LIMCH1: variants seen among roughly 807,000 people sequenced by gnomAD.
The protein encoded by LIMCH1 is LIM and calponin homology domains-containing protein 1.
In LIMCH1, 113 loss-of-function variants were observed where a neutral mutation model predicts 176.5. The ratio of observed to expected loss-of-function variants is 0.64; its 90% confidence interval spans 0.55 to 0.75. The LOEUF is 0.75. LIMCH1 is among the 30% of genes least tolerant of loss of function. The pLI, the probability that LIMCH1 is intolerant of heterozygous loss-of-function variation, is 0.00. For missense variants in LIMCH1, 1,674 were observed against 1,814.9 expected (o/e 0.92, Z 1.41); for synonymous variants, 619 against 645.9 (o/e 0.96, Z 0.63).
chr4:41,577,747 A>C (rs2084736463), intron 1 of LIMCH1, among the ~76,000 whole-genome samples: 1 of 152,132 alleles, frequency 6.6e-6, no homozygotes, highest in South Asian at 2.1e-4. Flanking sequence ...TTTTTTTTAT[A>C]CACATCTTTT....
At chr4:41,485,691 G>A (rs1212621773) in intron 1 of LIMCH1, among the ~76,000 whole-genome samples, 1 of 152,152 alleles carries the variant, frequency 6.6e-6, no homozygotes, top group Non-Finnish European at 1.5e-5. Flanking sequence ...CACCATTAGG[G>A]AACTATGAGA....
At chr4:41,396,517 G>C (rs111960712) in intron 1 of LIMCH1, among the ~76,000 whole-genome samples, 1 of 151,936 alleles carries the variant, frequency 6.6e-6, no homozygotes, top group South Asian at 2.1e-4. Flanking sequence ...TGTATTGTGC[G>C]GGTTTTTTTT....
intron 7 of LIMCH1, 72 bp downstream of exon 7, chr4:41,620,762 T>C (rs1262193627): frequency 1.1e-5 from 16 of 1,439,006 alleles, no homozygotes; most frequent in South Asian, 1.4e-5. Context: ...GTCTAGAGAG[T>C]TGGAGTTTTC....
At chr4:41,588,952 G>C (rs1416763518) in intron 1 of LIMCH1, among the ~76,000 whole-genome samples, 1 of 152,194 alleles carries the variant, frequency 6.6e-6, no homozygotes, top group Non-Finnish European at 1.5e-5. Flanking sequence ...GGCAAGAGAT[G>C]GCTGGGTTCG....
chr4:41,576,397 T>C (rs1468056205), intron 1 of LIMCH1, among the ~76,000 whole-genome samples: 1 of 152,232 alleles, frequency 6.6e-6, no homozygotes, highest in Non-Finnish European at 1.5e-5. Flanking sequence ...TGGAAATACC[T>C]ATCAAATTTT....
intron 1 of LIMCH1, among the ~76,000 whole-genome samples, chr4:41,444,514 G>T (rs1005179610): frequency 2.0e-5 from 3 of 152,156 alleles, no homozygotes; most frequent in African/African-American, 7.2e-5. Flanking sequence ...GCGTCAGGCC[G>T]TGCCTGTGGT....
intron 27 of LIMCH1, among the ~76,000 whole-genome samples, chr4:41,684,916 C>T (rs1051114912): frequency 2.6e-5 from 4 of 152,130 alleles, no homozygotes; most frequent in African/African-American, 4.8e-5. Context: ...AAGGTCCCAT[C>T]GGTTCCCATT....
intron 17 of LIMCH1, among the ~76,000 whole-genome samples, chr4:41,648,416 C>G (rs2152934688): frequency 6.6e-6 from 1 of 152,240 alleles, no homozygotes; most frequent in Non-Finnish European, 1.5e-5. Context: ...GGAAGCACTT[C>G]CATGGAGGGG....
intron 1 of LIMCH1, among the ~76,000 whole-genome samples, chr4:41,450,691 A>G (rs1292301234): frequency 3.3e-5 from 5 of 149,434 alleles, no homozygotes; most frequent in Non-Finnish European, 5.9e-5. Flanking sequence ...GCTACTCAGG[A>G]GGCTGAGGCA....
chr4:41,502,999 G>GTCTGTCCATCCA (rs1554075692), intron 2 of LIMCH1, among the ~76,000 whole-genome samples: 5,090 of 138,322 alleles, frequency 0.037, 172 homozygotes, highest in African/African-American at 0.091. Flanking sequence ...TGGTCTGTCT[G>GTCTGTCCATCCA]TCCATCCATC....
chr4:41,512,757 G>A (rs2075086167), intron 2 of LIMCH1, among the ~76,000 whole-genome samples: 1 of 152,186 alleles, frequency 6.6e-6, no homozygotes, highest in Non-Finnish European at 1.5e-5. Context: ...TTGTGGGTGA[G>A]TAAGAGGGGA....
chr4:41,440,870 T>C (rs1159641074), intron 1 of LIMCH1, among the ~76,000 whole-genome samples: 1 of 152,204 alleles, frequency 6.6e-6, no homozygotes, highest in Non-Finnish European at 1.5e-5. Flanking sequence ...GACCTATTTC[T>C]ATGGTGACTA....
chr4:41,642,023 T>C (rs1182265971), intron 14 of LIMCH1, among the ~76,000 whole-genome samples: 1 of 152,170 alleles, frequency 6.6e-6, no homozygotes, highest in East Asian at 1.9e-4. Context: ...TTGGGTGAGA[T>C]AATCAAATCC....
At chr4:41,377,377 T>G (rs2054916167) in intron 1 of LIMCH1, among the ~76,000 whole-genome samples, 1 of 152,136 alleles carries the variant, frequency 6.6e-6, no homozygotes, top group South Asian at 2.1e-4. Context: ...CTACTCACAT[T>G]CCACTGCAAA....
intron 18 of LIMCH1, among the ~76,000 whole-genome samples, chr4:41,657,429 A>G (rs2094494982): frequency 1.3e-5 from 2 of 152,200 alleles, no homozygotes; most frequent in Non-Finnish European, 2.9e-5. Context: ...TCCAGACATA[A>G]GTTAATTAAC....
In LIMCH1 at chr4:41,649,157, T is replaced by C. The variant is rs112225917; in HGVS notation, c.2821-1236T>C. On this transcript the variant is annotated intron_variant, in intron 17 of 31. Transcript: ENST00000503057. ...GCTCACACCTGTAATGCCAGCACTTTGGGAGGCCGAGGCAGGCAGATCACT... is the reference window on the plus strand; with the variant it reads ...GCTCACACCTGTAATGCCAGCACTTCGGGAGGCCGAGGCAGGCAGATCACT... Among the ~76,000 whole-genome samples, 135 of 152,332 alleles carry C rather than the reference T, an allele frequency of 8.9e-4. 1 individual carries two copies. The highest frequency in any genetic ancestry group is 1.8e-3 in the Admixed American group (27 of 15,302).
intron 1 of LIMCH1, among the ~76,000 whole-genome samples, chr4:41,366,606 T>G (rs1416295979): frequency 6.6e-6 from 1 of 152,074 alleles, no homozygotes; most frequent in Admixed American, 6.6e-5. Context: ...TTTTAAGTGA[T>G]TGAGAAATAT....
At chr4:41,620,201 C>G (rs2092455953) in intron 6 of LIMCH1, 2 of 488,582 alleles carry the variant, frequency 4.1e-6, no homozygotes, top group Non-Finnish European at 7.1e-6. Flanking sequence ...AGGTTTTTGC[C>G]TTTCATTATC....
At chr4:41,692,437 C>A in intron 31 of LIMCH1, 53 bp downstream of exon 31, 1 of 1,098,370 alleles carries the variant, frequency 9.1e-7, no homozygotes, top group South Asian at 1.3e-5. Flanking sequence ...GTATGTCTTC[C>A]ATAGGACCCA....
Sources: gnomAD v4.1 joint callset for allele counts (sites outside exome capture counted in the v4.1 genomes callset) on GRCh38, gnomAD v4.1.1 for gene constraint, MANE v1.5 for transcripts, NCBI Gene and HGNC (gene_info 2026-07-23, HGNC 2026-07-21) for gene names.